PDE4D: variants seen among roughly 807,000 people sequenced by gnomAD.
PDE4D encodes phosphodiesterase 4D, also known as 3',5'-cyclic-AMP phosphodiesterase 4D.
Under a neutral mutation model 87.4 loss-of-function variants are expected in PDE4D, and 24 were observed. The observed-to-expected ratio is 0.27, with a 90% confidence interval of 0.20 to 0.39. The LOEUF (loss-of-function observed/expected upper bound fraction) is 0.39, where lower values mean the gene tolerates loss of function less well. PDE4D is among the 10% of genes least tolerant of loss of function. The probability of loss-of-function intolerance (pLI) is 1.00; values close to 1 mark genes in which losing one functional copy is unlikely to be tolerated. For synonymous variants in PDE4D, 384 were observed against 383.2 expected, an observed-to-expected ratio of 1.00 and a Z score of -0.02; for missense variants, 714 against 1,041.0, an observed-to-expected ratio of 0.69 and a Z score of 4.32.
intron 2 of PDE4D, among the ~76,000 whole-genome samples, chr5:59,200,679 G>GTATACATACATATGTGTATGTATATA (rs1747070491): frequency 2.3e-5 from 2 of 86,502 alleles, no homozygotes; most frequent in Non-Finnish European, 4.8e-5. Flanking sequence ...ATAGATACAC[G>GTATACATACATATGTGTATGTATATA]TATACATACA....
chr5:59,161,755 T>C (rs1261463821), intron 5 of PDE4D, among the ~76,000 whole-genome samples: 1 of 152,242 alleles, frequency 6.6e-6, no homozygotes, highest in East Asian at 1.9e-4. Context: ...GTCCTCTCAA[T>C]TTCCGTTTTC....
At chr5:59,140,521 C>A (rs979223869) in intron 5 of PDE4D, among the ~76,000 whole-genome samples, 1 of 152,174 alleles carries the variant, frequency 6.6e-6, no homozygotes, top group Non-Finnish European at 1.5e-5. Flanking sequence ...TGTACACATT[C>A]ATTTTGCACA....
intron 1 of PDE4D, among the ~76,000 whole-genome samples, chr5:60,440,555 G>C (rs560727025): frequency 9.2e-5 from 14 of 152,182 alleles, no homozygotes; most frequent in Non-Finnish European, 1.5e-4. Context: ...AGAACTGATA[G>C]AATTTCTAAA....
At chr5:59,413,894 A>T (rs188662206) in intron 1 of PDE4D, among the ~76,000 whole-genome samples, 1 of 152,314 alleles carries the variant, frequency 6.6e-6, no homozygotes, top group East Asian at 1.9e-4. Flanking sequence ...CTCTCCCTTG[A>T]TATCTACAAA....
chr5:59,356,461 A>C (rs1296295531), intron 1 of PDE4D, among the ~76,000 whole-genome samples: 1 of 152,190 alleles, frequency 6.6e-6, no homozygotes, highest in Non-Finnish European at 1.5e-5. Flanking sequence ...TGACTGTATT[A>C]AGCCATTAGA....
At chr5:59,012,705 G>T (rs2153366754) in intron 6 of PDE4D, among the ~76,000 whole-genome samples, 1 of 152,238 alleles carries the variant, frequency 6.6e-6, no homozygotes, top group African/African-American at 2.4e-5. Context: ...ATAATAATGG[G>T]AGACTTTAAC....
intron 1 of PDE4D, among the ~76,000 whole-genome samples, chr5:59,811,259 A>C (rs1033832263): frequency 6.6e-6 from 1 of 152,210 alleles, no homozygotes; most frequent in African/African-American, 2.4e-5. Flanking sequence ...TTTTAGACCA[A>C]TCAGAAAGAC....
intron 1 of PDE4D, chr5:59,586,244 G>C: frequency 3.8e-6 from 4 of 1,055,190 alleles, no homozygotes. Flanking sequence ...CAATACTCTA[G>C]TTCAAGACAA....
intron 1 of PDE4D, among the ~76,000 whole-genome samples, chr5:59,690,137 A>G (rs1304646544): frequency 6.6e-6 from 1 of 152,200 alleles, no homozygotes; most frequent in African/African-American, 2.4e-5. Flanking sequence ...AAATGGCCAC[A>G]CTGCCCAAGG....
At chr5:59,772,803 G>C (rs1327289626) in intron 1 of PDE4D, among the ~76,000 whole-genome samples, 1 of 152,236 alleles carries the variant, frequency 6.6e-6, no homozygotes, top group African/African-American at 2.4e-5. Flanking sequence ...CCATGGAAAT[G>C]ACCTGATAGT....
chr5:60,139,624 T>C (rs1470048058), intron 2 of PDE4D, among the ~76,000 whole-genome samples: 1 of 151,874 alleles, frequency 6.6e-6, no homozygotes. Context: ...TGTAAGCACG[T>C]GAGCAATAGA....
intron 1 of PDE4D, among the ~76,000 whole-genome samples, chr5:59,342,975 T>C (rs944291591): frequency 3.5e-5 from 4 of 114,718 alleles, no homozygotes; most frequent in Admixed American, 8.1e-5. Flanking sequence ...TTTTCTTTTT[T>C]TTTTTTGGTT....
At chr5:60,023,132 C>T (rs1488167114) in intron 2 of PDE4D, among the ~76,000 whole-genome samples, 2 of 152,102 alleles carry the variant, frequency 1.3e-5, no homozygotes, top group Non-Finnish European at 2.9e-5. Context: ...ATCTCCTATC[C>T]AAAATATGAA....
At chr5:59,447,238 CT>C (rs1798486813) in intron 1 of PDE4D, among the ~76,000 whole-genome samples, 1 of 152,198 alleles carries the variant, frequency 6.6e-6, no homozygotes, top group African/African-American at 2.4e-5. Flanking sequence ...CCTGATTTAC[CT>C]CCCTGTACTT....
intron 1 of PDE4D, among the ~76,000 whole-genome samples, chr5:60,504,963 TG>T (rs1166136448): frequency 6.6e-6 from 1 of 152,194 alleles, no homozygotes; most frequent in Non-Finnish European, 1.5e-5. Flanking sequence ...ACATTCATTT[TG>T]TTCCAAAATA....
At chr5:59,420,410 G>A (rs1215351425) in intron 1 of PDE4D, among the ~76,000 whole-genome samples, 1 of 152,146 alleles carries the variant, frequency 6.6e-6, no homozygotes, top group Admixed American at 6.5e-5. Context: ...ATATACTGAA[G>A]TCAGAGACAA....
At chr5:59,126,873 C>G (rs1490613769) in intron 5 of PDE4D, among the ~76,000 whole-genome samples, 1 of 152,156 alleles carries the variant, frequency 6.6e-6, no homozygotes, top group Non-Finnish European at 1.5e-5. Context: ...CAGTTCTACT[C>G]TATGTTGTTT....
chr5:59,139,034 T>C lies in PDE4D; in HGVS notation c.808+41561A>G, dbSNP rs78216051. Among the ~76,000 whole-genome samples, 463 of 152,272 alleles carry C rather than the reference T, an allele frequency of 3.0e-3. 10 individuals carry two copies. The East Asian group carries it at 0.056, about 18-fold the overall frequency. The stretch of plus-strand genomic sequence containing the variant: ...AGGTAGGGAAGACTTACAGGGAGAC[T>C]GAACAATATACGCAAAAGTTACAGA... On this transcript the variant is annotated intron_variant, in intron 5 of 14. Coordinates refer to ENST00000340635, the MANE Select transcript of PDE4D (RefSeq NM_001104631.2).
chr5:59,099,923 T>C (rs1309136264), intron 5 of PDE4D, among the ~76,000 whole-genome samples: 1 of 152,246 alleles, frequency 6.6e-6, no homozygotes, highest in Non-Finnish European at 1.5e-5. Flanking sequence ...CACTTTGAGA[T>C]ACATTATTAG....
Sources: gnomAD v4.1 joint callset for allele counts (sites outside exome capture counted in the v4.1 genomes callset) on GRCh38, gnomAD v4.1.1 for gene constraint, MANE v1.5 for transcripts, NCBI Gene and HGNC (gene_info 2026-07-23, HGNC 2026-07-21) for gene names.